The following CCAR2 variants were observed in gnomAD, a reference collection of about 807,000 sequenced individuals.
CCAR2 encodes cell cycle and apoptosis regulator 2.
Under a neutral mutation model 108.1 loss-of-function variants are expected in CCAR2, and 21 were observed. The ratio of observed to expected loss-of-function variants is 0.19; its 90% CI spans 0.14 to 0.28. The LOEUF is 0.28. Ranked by LOEUF, CCAR2 falls within the 10% of genes least tolerant of loss-of-function variation. CCAR2 has a pLI of 1.00. For missense variants in CCAR2, 1,126 were observed against 1,177.0 expected (o/e 0.96, Z 0.63); for synonymous variants, 577 against 472.8 (o/e 1.22, Z -2.86).
At chr8:22,617,238 C>G (rs771025976) in intron 14 of CCAR2, 182 bp from the exon 15 acceptor site, 10 of 629,280 alleles carry the variant, frequency 1.6e-5, no homozygotes, top group East Asian at 6.0e-5. Flanking sequence ...AGGTGTCTGG[C>G]GATGCCCTGG....
At position 22,619,249 on chromosome 8, in the gene CCAR2, C is replaced by A. The variant is rs201303857; in HGVS notation, c.2621C>A (p.Thr874Asn). Reference protein sequence around the residue: ...LRVRLAEAEETARTAERQKSQ... With the variant: ...LRVRLAEAEENARTAERQKSQ... ...GTCCGGCTGGCGGAGGCCGAGGAGA[C>A]CGCCCGGACGGCGGAGCGACAGAAG... The change falls in exon 20 of 21, where the codon ACC (threonine) becomes AAC (asparagine). Residue 874 changes from threonine (T) to asparagine (N), a missense_variant. Physicochemically the swap from Thr to Asn is moderately conservative, Grantham distance 65. This residue lies in a region of CCAR2 where 1,013 missense variants were observed against 993.9 expected (regional missense o/e 1.02). Coordinates refer to ENST00000308511, the MANE Select transcript of CCAR2 (RefSeq NM_001393997.1). The A allele has an allele frequency of 3.3e-5, 52 of 1,567,542 alleles. No individual in the cohort carries two copies. Among genetic ancestry groups the A allele is most frequent in the Non-Finnish European group, 4.3e-5 (50 of 1,156,926 alleles).
At chr8:22,611,344 G>C (rs980981479) in intron 7 of CCAR2, among the ~76,000 whole-genome samples, 4 of 139,078 alleles carry the variant, frequency 2.9e-5, no homozygotes, top group African/African-American at 1.1e-4. Flanking sequence ...CTGGGCAACA[G>C]AGCAAGACTC....
At position 22,614,406 on chromosome 8, in the gene CCAR2, C is replaced by A. The variant is rs201922969; in HGVS notation, c.944C>A (p.Ser315Tyr). 26 of 1,614,042 alleles carry A rather than the reference C, an allele frequency of 1.6e-5. No homozygotes were observed. Among genetic ancestry groups the A allele is most frequent in the Non-Finnish European group, 2.1e-5 (25 of 1,180,026 alleles). The change falls in exon 10 of 21, where the codon TCC becomes TAC. Residue 315 changes from serine (S) to tyrosine (Y), a missense_variant. Ser to Tyr is a moderately radical substitution (Grantham distance 144). Coordinates refer to ENST00000308511, the MANE Select transcript of CCAR2 (RefSeq NM_001393997.1). ...CCTGCACAGGTACTGCTGCTCTCTTCCCCGGGGTTGGAGGAATTGTATCGT... is the reference window on the plus strand; with the variant it reads ...CCTGCACAGGTACTGCTGCTCTCTTACCCGGGGTTGGAGGAATTGTATCGT... ...AYSSKVLLLS[S>Y]PGLEELYRCC...
intron 1 of CCAR2, 119 bp from the exon 2 acceptor site, chr8:22,605,617 C>G (rs1442268309): frequency 1.6e-6 from 1 of 643,542 alleles, no homozygotes; most frequent in Non-Finnish European, 2.8e-6. Context: ...TGCTTTCATT[C>G]ATTCTTATTA....
downstream of CCAR2, chr8:22,620,570 G>A (rs1207160769): frequency 2.0e-5 from 3 of 152,398 alleles, no homozygotes; most frequent in East Asian, 3.9e-4. Context: ...GTTCGCTCCA[G>A]AAGGTGGGCC....
chr8:22,607,209 C>T lies in CCAR2; in HGVS notation c.371C>T (p.Ser124Phe), dbSNP rs771845655. 1 of 1,614,006 alleles carries T rather than the reference C, an allele frequency of 6.2e-7. No homozygotes were observed. The highest frequency in any genetic ancestry group is 8.5e-7 in the Non-Finnish European group (1 of 1,179,980). The change falls in exon 6 of 21, where the codon TCC becomes TTC. Residue 124 changes from serine (S) to phenylalanine (F), a missense_variant. This residue lies in a region of CCAR2 where 44 missense variants were observed against 63.4 expected (regional missense o/e 0.69). Transcript: ENST00000308511. Reference protein sequence around the residue: ...QTLSNQPLLKSPAPPLLHVAA... With the variant: ...QTLSNQPLLKFPAPPLLHVAA... ...CCTGTTCTGCAGCCCCTACTGAAGT[C>T]CCCAGCACCTCCTCTTCTGCATGTA...
chr8:22,608,070 G>A lies in CCAR2; in HGVS notation c.584+5G>A, dbSNP rs1801147038. On this transcript the variant is annotated splice_donor_5th_base_variant and intron_variant, in intron 7 of 20. Transcript: ENST00000308511. ...ACGGTTGGATCAGGGCCGAAGGTAAGAGGATGATGTCCCTTTTTTTGGCCA... is the reference window on the plus strand; with the variant it reads ...ACGGTTGGATCAGGGCCGAAGGTAAAAGGATGATGTCCCTTTTTTTGGCCA... The A allele has an allele frequency of 6.2e-7, 1 of 1,609,400 alleles. No homozygotes were observed. The highest frequency in any genetic ancestry group is 8.5e-7 in the Non-Finnish European group (1 of 1,177,126).
At chr8:22,616,582 C>A (rs7007105) in intron 14 of CCAR2, 28,068 of 321,454 alleles carry the variant, frequency 0.087, 3,375 homozygotes, top group African/African-American at 0.36. Flanking sequence ...CTTTGGGAGA[C>A]CGAGGTGGGC....
intron 7 of CCAR2, among the ~76,000 whole-genome samples, chr8:22,609,767 C>G (rs924540302): frequency 2.0e-5 from 3 of 152,116 alleles, no homozygotes; most frequent in Non-Finnish European, 4.4e-5. Context: ...TTCTGCTTTA[C>G]GGTTAATTTC....
intron 7 of CCAR2, among the ~76,000 whole-genome samples, chr8:22,611,175 A>G (rs1312589233): frequency 6.6e-6 from 1 of 151,918 alleles, no homozygotes; most frequent in Non-Finnish European, 1.5e-5. Flanking sequence ...AGCCTGGCCA[A>G]GATGGTGAAA....
rs200134616 is a variant in CCAR2, at chr8:22,617,690, C to T, written c.1991-6C>T. On this transcript the variant is annotated splice_polypyrimidine_tract_variant and splice_region_variant and intron_variant, in intron 15 of 20. Transcript: ENST00000308511. ...CTGCTCTCCATTTATCTTGGCCTTTCTGTAGCAGGAGCAAAGCTGGAGGAT... is the reference window on the plus strand; with the variant it reads ...CTGCTCTCCATTTATCTTGGCCTTTTTGTAGCAGGAGCAAAGCTGGAGGAT... 2.5e-6 allele frequency: 4 copies of T among 1,614,204 alleles called. No individual in the cohort carries two copies. Among genetic ancestry groups the T allele is most frequent in the Non-Finnish European group, 3.4e-6 (4 of 1,180,026 alleles).
rs1204092399 is a variant in CCAR2 at position 22,604,858 on chromosome 8, C to G, written c.-39+16C>G. ...TGGCCCGCAGGTGGGTTGGGGGGCC[C>G]CCTGCCGCCCCTCTGCCCCTTCGCC... On this transcript the variant is annotated intron_variant, in intron 1 of 20. Transcript: ENST00000308511. 2 of 451,904 alleles carry G rather than the reference C, an allele frequency of 4.4e-6. No individual in the cohort carries two copies. The highest frequency in any genetic ancestry group is 3.1e-5 in the South Asian group (2 of 64,266). 28.0% of individuals were successfully genotyped at this position (451,904 alleles called of 1,614,324 possible). A position where few individuals can be genotyped will look rare whatever the true frequency, so the allele number is the denominator to read the frequency against.
In CCAR2 at chr8:22,618,683, C is replaced by T. The variant is rs1459690274; in HGVS notation, c.2287C>T (p.Arg763Cys). 9.3e-6 allele frequency: 15 copies of T among 1,613,968 alleles called. No homozygotes were observed. The highest frequency in any genetic ancestry group is 2.7e-5 in the African/African-American group (2 of 74,946). Residue 763 changes from arginine (R) to cysteine (C), a missense_variant, in exon 18 of 21, where the codon CGC (arginine) becomes TGC (cysteine). By Grantham distance (180) the Arg-to-Cys change is radical (BLOSUM62 -3). This residue lies in a region of CCAR2 where 1,013 missense variants were observed against 993.9 expected (regional missense o/e 1.02). Transcript: ENST00000308511. ...CCAGTACCGGAGCCTTCAGTACAGCCGCCAGGAGGGCCTGGATGGTGGCCT... is the reference window on the plus strand; with the variant it reads ...CCAGTACCGGAGCCTTCAGTACAGCTGCCAGGAGGGCCTGGATGGTGGCCT... ...ICQYRSLQYS[R>C]QEGLDGGLPE...
intron 7 of CCAR2, among the ~76,000 whole-genome samples, chr8:22,611,480 ATG>A (rs1298363599): frequency 1.3e-5 from 2 of 151,486 alleles, no homozygotes. Flanking sequence ...ATGTAAAAAT[ATG>A]TGTGGTTTCT....
Position 22,612,047 on chromosome 8 carries a change from C to T in CCAR2, c.585-970C>T, listed in dbSNP as rs921173176. On this transcript the variant is annotated intron_variant, in intron 7 of 20. Coordinates refer to ENST00000308511, the MANE Select transcript of CCAR2 (RefSeq NM_001393997.1). ...GCCACCTCCGCCTCCCCGGTTCAAG[C>T]GATTCTCCTTGCCTCAGTCTCCCGA... Among the ~76,000 whole-genome samples the T allele has an allele frequency of 7.0e-4, 106 of 151,656 alleles. 1 individual carries two copies. The highest frequency in any genetic ancestry group is 2.4e-3 in the African/African-American group (100 of 41,304).
chr8:22,608,415 A>G (rs1209672462), intron 7 of CCAR2, among the ~76,000 whole-genome samples: 2 of 152,358 alleles, frequency 1.3e-5, no homozygotes, highest in East Asian at 3.9e-4. Flanking sequence ...CTCAATAGTA[A>G]CATGTCAAAA....
rs1801482776 is a variant in CCAR2, at chr8:22,615,817, C to G, written c.1513C>G (p.Leu505Val). Residue 505 changes from leucine to valine, a missense_variant, in exon 13 of 21, where the codon CTA (leucine) becomes GTA (valine). By Grantham distance (32) the Leu-to-Val change is conservative. This residue lies in a region of CCAR2 where 1,013 missense variants were observed against 993.9 expected (regional missense o/e 1.02). Coordinates refer to ENST00000308511, the MANE Select transcript of CCAR2 (RefSeq NM_001393997.1). ...TDLPEAPPPPLEPAVIARPGC... is the reference protein window; with the variant it reads ...TDLPEAPPPPVEPAVIARPGC... ...TCTCCCAGAGGCCCCTCCACCCCCC[C>G]TAGAACCTGCTGTCATCGCACGCCC... 1 of 1,614,018 alleles carries G rather than the reference C, an allele frequency of 6.2e-7. No individual in the cohort carries two copies. Among genetic ancestry groups the G allele is most frequent in the Non-Finnish European group, 8.5e-7 (1 of 1,180,030 alleles).
intron 14 of CCAR2, 48 bp from the exon 15 acceptor site, chr8:22,617,372 T>C (rs1476776532): frequency 6.6e-7 from 1 of 1,514,154 alleles, no homozygotes; most frequent in Non-Finnish European, 8.8e-7. Context: ...TATTGGTAAT[T>C]ATGGTAACTG....
At chr8:22,612,664 C>G (rs1801333228) in intron 7 of CCAR2, 1 of 166,200 alleles carries the variant, frequency 6.0e-6, no homozygotes, top group African/African-American at 2.4e-5. Context: ...ATCACGTTAA[C>G]TATAATTAAT....
Sources: gnomAD v4.1 joint callset for allele counts (sites outside exome capture counted in the v4.1 genomes callset) on GRCh38, gnomAD v4.1.1 for gene constraint, gnomAD v4.1.1 regional missense constraint, MANE v1.5 for transcripts, NCBI Gene and HGNC (gene_info 2026-07-23, HGNC 2026-07-21) for gene names.